The following TRIM71 variants were observed in gnomAD, a reference collection of about 807,000 sequenced individuals.
TRIM71 encodes the protein tripartite motif containing 71, also known as E3 ubiquitin-protein ligase TRIM71.
TRIM71 carries 9 observed loss-of-function variants against 61.2 expected under a neutral mutation model. The ratio of observed to expected loss-of-function variants is 0.15; its 90% confidence interval spans 0.09 to 0.26. The LOEUF (loss-of-function observed/expected upper bound fraction) is 0.26, where lower values mean the gene tolerates loss of function less well. Ranked by LOEUF, TRIM71 falls within the 10% of genes least tolerant of loss-of-function variation. TRIM71 has a pLI of 1.00. For synonymous variants in TRIM71, 645 were observed against 553.2 expected, an observed-to-expected ratio of 1.17 and a Z score of -2.33; for missense variants, 998 against 1,238.7, an observed-to-expected ratio of 0.81 and a Z score of 2.92.
intron 3 of TRIM71, among the ~76,000 whole-genome samples, chr3:32,888,376 A>AT (rs1696982716): frequency 7.3e-6 from 1 of 136,746 alleles, no homozygotes; most frequent in Admixed American, 8.2e-5. Flanking sequence ...AGGTGGGAAG[A>AT]TTGCTTGAGT....
At chr3:32,866,869 G>A (rs1259414355) in intron 1 of TRIM71, among the ~76,000 whole-genome samples, 3 of 152,192 alleles carry the variant, frequency 2.0e-5, no homozygotes, top group Non-Finnish European at 4.4e-5. Context: ...GCAGCAGTCA[G>A]TGGTAGTGAA....
chr3:32,829,154 T>C lies in TRIM71; in HGVS notation c.852+10222T>C, dbSNP rs900622635. Among the ~76,000 whole-genome samples, 4 of 150,882 alleles carry C rather than the reference T, an allele frequency of 2.7e-5. No individual in the cohort carries two copies. In the South Asian group the frequency reaches 8.4e-4, roughly 32 times the overall value. ...GAGTACAGGAGTGCACCGCCATGCC[T>C]GGATAATTTTCTTTTTTTCTTTTTT... On this transcript the variant is annotated intron_variant, in intron 1 of 3. Coordinates refer to ENST00000383763, the MANE Select transcript of TRIM71 (RefSeq NM_001039111.3).
chr3:32,891,055 G>A lies in TRIM71; in HGVS notation c.1851G>A (p.Glu617=). 1 of 1,612,948 alleles carries A rather than the reference G, an allele frequency of 6.2e-7. No homozygotes were observed. The highest frequency in any genetic ancestry group is 8.5e-7 in the Non-Finnish European group (1 of 1,179,882). Residue 617 remains glutamate (E), a synonymous_variant, in exon 4 of 4, where the codon GAG becomes GAA. Transcript: ENST00000383763. The surrounding 1 kb of genome is among the most constrained non-coding windows in gnomAD (Gnocchi z 8.2). ...CTTGGGGTGTGAGTGTAGACAAGGA[G>A]GGCTACATCATTGTCGCCGACCGCA... The part of the protein sequence containing the change: ...CRPWGVSVDK[E]GYIIVADRSN...
chr3:32,833,184 T>TAAAA (rs1182178339), intron 1 of TRIM71, among the ~76,000 whole-genome samples: 1,915 of 54,384 alleles, frequency 0.035, 190 homozygotes, highest in Non-Finnish European at 0.05. Context: ...ACTCTGTCTT[T>TAAAA]AAAAAAAAAA....
chr3:32,861,501 G>C (rs887102950), intron 1 of TRIM71, among the ~76,000 whole-genome samples: 7 of 151,608 alleles, frequency 4.6e-5, no homozygotes, highest in Non-Finnish European at 1.0e-4. Flanking sequence ...GGCAGGCCAA[G>C]GTGGGAGGAA....
At chr3:32,854,836 A>C (rs186842900) in intron 1 of TRIM71, among the ~76,000 whole-genome samples, 134 of 152,266 alleles carry the variant, frequency 8.8e-4, no homozygotes, top group Middle Eastern at 6.8e-3. Context: ...TGTGCCAGAC[A>C]CTTAGATGCT....
intron 1 of TRIM71, among the ~76,000 whole-genome samples, chr3:32,843,602 C>G (rs74721800): frequency 0.016 from 2,425 of 152,292 alleles, 30 homozygotes; most frequent in Non-Finnish European, 0.025. Flanking sequence ...AGCTAATCCC[C>G]GTGCCTCCCA....
intron 3 of TRIM71, among the ~76,000 whole-genome samples, chr3:32,888,687 C>G (rs758110727): frequency 2.0e-5 from 3 of 152,018 alleles, no homozygotes; most frequent in Admixed American, 6.6e-5. Context: ...ATTACAGCCA[C>G]CTGCCACCAC....
intron 1 of TRIM71, among the ~76,000 whole-genome samples, chr3:32,820,861 A>C (rs936441056): frequency 2.0e-5 from 3 of 152,222 alleles, no homozygotes; most frequent in African/African-American, 7.2e-5. Context: ...TGTCAGGTTG[A>C]AGTAACTAAT....
chr3:32,885,190 C>T (rs1483617505), intron 2 of TRIM71, among the ~76,000 whole-genome samples: 1 of 152,156 alleles, frequency 6.6e-6, no homozygotes, highest in Non-Finnish European at 1.5e-5. Context: ...ACCTGTTGTA[C>T]CAAGAGCAAT....
chr3:32,891,253 G>A lies in TRIM71; in HGVS notation c.2049G>A (p.Glu683=). ...DNHRIQIFTF[E]GQFLLKFGEK... ...ATCGCATCCAGATCTTCACGTTCGAGGGCCAGTTCCTCCTCAAGTTTGGTG... is the reference window on the plus strand; with the variant it reads ...ATCGCATCCAGATCTTCACGTTCGAAGGCCAGTTCCTCCTCAAGTTTGGTG... The change falls in exon 4 of 4, where the codon GAG becomes GAA. Residue 683 remains glutamate (E), a synonymous_variant. Coordinates refer to ENST00000383763, the MANE Select transcript of TRIM71 (RefSeq NM_001039111.3). This position sits in a 1 kb window ranked among gnomAD's most constrained non-coding sequence, Gnocchi z 8.2. The A allele has an allele frequency of 6.2e-7, 1 of 1,613,532 alleles. No homozygotes were observed. The highest frequency in any genetic ancestry group is 8.5e-7 in the Non-Finnish European group (1 of 1,179,624).
intron 1 of TRIM71, among the ~76,000 whole-genome samples, chr3:32,845,879 C>T (rs1696467831): frequency 6.6e-6 from 1 of 151,802 alleles, no homozygotes; most frequent in African/African-American, 2.4e-5. Flanking sequence ...TGCCACCAAG[C>T]CTGGCTAATT....
At chr3:32,820,521 T>C (rs946717159) in intron 1 of TRIM71, among the ~76,000 whole-genome samples, 1 of 152,136 alleles carries the variant, frequency 6.6e-6, no homozygotes, top group Admixed American at 6.5e-5. Flanking sequence ...CCGATCCAAA[T>C]CCCAGGAACA....
At chr3:32,887,483 T>A (rs1206721109) in intron 3 of TRIM71, among the ~76,000 whole-genome samples, 1 of 26,320 alleles carries the variant, frequency 3.8e-5, no homozygotes, top group Non-Finnish European at 7.7e-5. Context: ...ATTACTGACT[T>A]TTTTTTTTTT....
intron 2 of TRIM71, among the ~76,000 whole-genome samples, chr3:32,879,672 TAAAAAAAAA>T (rs34024813): frequency 6.8e-6 from 1 of 148,010 alleles, no homozygotes; most frequent in Non-Finnish European, 1.5e-5. Flanking sequence ...TTCAATTTCT[TAAAAAAAAA>T]AAAAAAACTG....
chr3:32,851,420 G>C (rs939201792), intron 1 of TRIM71, among the ~76,000 whole-genome samples: 1 of 152,116 alleles, frequency 6.6e-6, no homozygotes, highest in South Asian at 2.1e-4. Context: ...ACTTAGCGTT[G>C]TCCTCCTCAC....
At chr3:32,864,033 T>C (rs1696703536) in intron 1 of TRIM71, among the ~76,000 whole-genome samples, 1 of 152,134 alleles carries the variant, frequency 6.6e-6, no homozygotes, top group South Asian at 2.1e-4. Context: ...TGTACCACGG[T>C]GTATGTTGAT....
At chr3:32,867,303 G>A (rs1379499539) in intron 1 of TRIM71, among the ~76,000 whole-genome samples, 1 of 152,012 alleles carries the variant, frequency 6.6e-6, no homozygotes, top group Non-Finnish European at 1.5e-5. Flanking sequence ...TACATATAAT[G>A]GGACTGCAAA....
chr3:32,885,384 C>T (rs1696949027), intron 2 of TRIM71, among the ~76,000 whole-genome samples: 1 of 151,966 alleles, frequency 6.6e-6, no homozygotes, highest in Non-Finnish European at 1.5e-5. Flanking sequence ...GGGCACAGCT[C>T]CTTAGGTAGA....
Sources: gnomAD v4.1 joint callset for allele counts (sites outside exome capture counted in the v4.1 genomes callset) on GRCh38, gnomAD v4.1.1 for gene constraint, Gnocchi (gnomAD v3.1) non-coding constraint, MANE v1.5 for transcripts, NCBI Gene and HGNC (gene_info 2026-07-23, HGNC 2026-07-21) for gene names.